The following PPIP5K1 variants were observed in gnomAD, a reference collection of about 807,000 sequenced individuals.
PPIP5K1 encodes inositol hexakisphosphate and diphosphoinositol-pentakisphosphate kinase 1.
PPIP5K1 carries 6 observed loss-of-function variants against 27.7 expected under a neutral mutation model. That is an observed-to-expected ratio of 0.22 (90% CI 0.12 to 0.43). The LOEUF (loss-of-function observed/expected upper bound fraction) is 0.43. Ranked by LOEUF, PPIP5K1 falls within the 20% of genes least tolerant of loss-of-function variation. PPIP5K1 has a pLI of 1.00. For synonymous variants in PPIP5K1, 145 were observed against 242.6 expected (o/e 0.60, Z 3.74); for missense variants, 394 against 635.4 (o/e 0.62, Z 4.08).
intron 31 of PPIP5K1, among the ~76,000 whole-genome samples, chr15:43,538,791 C>T (rs917577925): frequency 6.6e-6 from 1 of 150,482 alleles, no homozygotes; most frequent in African/African-American, 2.5e-5. Flanking sequence ...GGATTACAGG[C>T]GTGAGCCATC....
intron 31 of PPIP5K1, among the ~76,000 whole-genome samples, chr15:43,536,878 G>T (rs950629605): frequency 6.6e-6 from 1 of 151,982 alleles, no homozygotes; most frequent in Admixed American, 6.6e-5. Flanking sequence ...ATATTATAAC[G>T]ATATATTAAA....
intron 31 of PPIP5K1, chr15:43,536,208 C>G (rs1326498991): frequency 1.5e-6 from 1 of 653,338 alleles, no homozygotes; most frequent in Admixed American, 2.9e-5. Flanking sequence ...CACTTGAGGT[C>G]AGGAGCTCTA....
At chr15:43,559,192 T>G (rs1158017732) in intron 29 of PPIP5K1, among the ~76,000 whole-genome samples, 1 of 152,146 alleles carries the variant, frequency 6.6e-6, no homozygotes, top group South Asian at 2.1e-4. Context: ...ATGGAGAGCT[T>G]GCAATGTCTC....
At chr15:43,586,816 G>T (rs2085343722) in intron 1 of PPIP5K1, among the ~76,000 whole-genome samples, 1 of 80,820 alleles carries the variant, frequency 1.2e-5, no homozygotes, top group Non-Finnish European at 2.7e-5. Context: ...TTGGGAGGTT[G>T]AGAATACAGG....
Position 43,534,574 on chromosome 15 carries a change from G to A in PPIP5K1, c.*100C>T, listed in dbSNP as rs781026079. ...AGGGGTGAGTGCTGGTCATGGGCTA[G>A]AGACTGGCTCTGAGGGTTTGGATCA... is the stretch of plus-strand genomic sequence containing the variant. On this transcript the variant is annotated 3_prime_UTR_variant, in exon 32 of 32. Coordinates refer to ENST00000420765, the MANE Select transcript of PPIP5K1 (RefSeq NM_001394395.1). 1.8e-6 allele frequency: 2 copies of A among 1,081,908 alleles called. No homozygotes were observed. The highest frequency in any genetic ancestry group is 2.5e-5 in the Admixed American group (1 of 40,024). The allele number at this position is 1,081,908 out of a possible 1,614,324, so 67.0% of individuals were successfully genotyped here.
chr15:43,549,327 G>A (rs945699690), intron 30 of PPIP5K1, among the ~76,000 whole-genome samples: 3 of 152,080 alleles, frequency 2.0e-5, no homozygotes, highest in Non-Finnish European at 4.4e-5. Flanking sequence ...AAATAGAATT[G>A]TTTTTATTAT....
chr15:43,541,577 C>T (rs1477139379), intron 30 of PPIP5K1, among the ~76,000 whole-genome samples: 3 of 152,042 alleles, frequency 2.0e-5, no homozygotes, highest in Non-Finnish European at 2.9e-5. Context: ...ACTAGCCAGG[C>T]GTGGTGGTGG....
chr15:43,542,668 G>GTA (rs2080913663), intron 30 of PPIP5K1, among the ~76,000 whole-genome samples: 1 of 141,210 alleles, frequency 7.1e-6, no homozygotes, highest in Non-Finnish European at 1.5e-5. Context: ...GTGTGTGTGT[G>GTA]TGTGTGTGTG....
intron 31 of PPIP5K1, among the ~76,000 whole-genome samples, chr15:43,535,836 C>A (rs769983991): frequency 1.4e-4 from 22 of 152,180 alleles, no homozygotes; most frequent in Non-Finnish European, 2.4e-4. Flanking sequence ...GGTTCATAAA[C>A]AAAATCATGA....
At chr15:43,543,056 T>C (rs1012745848) in intron 30 of PPIP5K1, among the ~76,000 whole-genome samples, 2 of 151,866 alleles carry the variant, frequency 1.3e-5, no homozygotes, top group African/African-American at 4.8e-5. Flanking sequence ...CTTGCTTTCC[T>C]TTACAACATG....
intron 31 of PPIP5K1, among the ~76,000 whole-genome samples, chr15:43,537,706 A>AAAAG (rs1555419105): frequency 3.9e-5 from 5 of 126,774 alleles, no homozygotes; most frequent in South Asian, 2.6e-4. Context: ...AAAAAAAAAA[A>AAAAG]AGAGAGAGAG....
chr15:43,548,110 T>A (rs754450617), intron 30 of PPIP5K1, among the ~76,000 whole-genome samples: 9 of 151,996 alleles, frequency 5.9e-5, no homozygotes, highest in Non-Finnish European at 1.0e-4. Flanking sequence ...AGCTAATTTT[T>A]TTTTTCAAGA....
intron 30 of PPIP5K1, among the ~76,000 whole-genome samples, chr15:43,551,876 T>C (rs1464221027): frequency 1.3e-5 from 2 of 152,098 alleles, no homozygotes; most frequent in Non-Finnish European, 1.5e-5. Flanking sequence ...GTGCTGGGAT[T>C]ACAGGCGTGA....
chr15:43,551,769 A>AT (rs1399522279), intron 30 of PPIP5K1, among the ~76,000 whole-genome samples: 1 of 149,026 alleles, frequency 6.7e-6, no homozygotes, highest in Admixed American at 6.7e-5. Flanking sequence ...CGCCTGGCTA[A>AT]TTTTTTTGTA....
chr15:43,538,010 A>T (rs2080139662), intron 31 of PPIP5K1, among the ~76,000 whole-genome samples: 2 of 152,160 alleles, frequency 1.3e-5, no homozygotes. Context: ...CCAGGGGCAC[A>T]GAAATCATAA....
intron 10 of PPIP5K1, among the ~76,000 whole-genome samples, chr15:43,579,352 T>C (rs1595912376): frequency 1.1e-5 from 1 of 88,134 alleles, no homozygotes; most frequent in Non-Finnish European, 1.9e-5. Flanking sequence ...GGGATGTTAC[T>C]AGGGAGGAGT....
At chr15:43,547,268 C>T (rs2081489790) in intron 30 of PPIP5K1, among the ~76,000 whole-genome samples, 3 of 152,130 alleles carry the variant, frequency 2.0e-5, no homozygotes, top group African/African-American at 7.2e-5. Context: ...TTGTTATCAT[C>T]TGTACGTATT....
At chr15:43,544,487 A>G (rs1314279299) in intron 30 of PPIP5K1, among the ~76,000 whole-genome samples, 1 of 152,228 alleles carries the variant, frequency 6.6e-6, no homozygotes, top group Non-Finnish European at 1.5e-5. Context: ...TGTCCCAATG[A>G]ATAACTGTAT....
At chr15:43,552,600 G>A (rs896573045) in intron 30 of PPIP5K1, among the ~76,000 whole-genome samples, 2 of 150,340 alleles carry the variant, frequency 1.3e-5, no homozygotes, top group African/African-American at 4.9e-5. Flanking sequence ...TGTGCCTGTA[G>A]TCCAGCTACT....
Sources: allele counts gnomAD v4.1 joint callset (sites outside exome capture counted in the v4.1 genomes callset), GRCh38; gene constraint gnomAD v4.1.1; transcripts MANE v1.5; gene names NCBI Gene and HGNC (gene_info 2026-07-23, HGNC 2026-07-21).